Variants in OSBPL11 observed in about 807,000 individuals in gnomAD.
OSBPL11 encodes the protein oxysterol-binding protein-related protein 11.
Under a neutral mutation model 84.4 loss-of-function variants are expected in OSBPL11, and 33 were observed. That is an observed-to-expected ratio of 0.39 (90% CI 0.30 to 0.52). The LOEUF (loss-of-function observed/expected upper bound fraction) is 0.52. OSBPL11 is among the 20% of genes least tolerant of loss of function. The probability of loss-of-function intolerance (pLI) is 0.72; values close to 1 mark genes in which losing one functional copy is unlikely to be tolerated. For synonymous variants in OSBPL11, 276 were observed against 310.2 expected, an observed-to-expected ratio of 0.89 and a Z score of 1.16; for missense variants, 736 against 901.1, an observed-to-expected ratio of 0.82 and a Z score of 2.35.
intron 8 of OSBPL11, among the ~76,000 whole-genome samples, chr3:125,555,081 C>T (rs982679229): frequency 1.3e-5 from 2 of 152,134 alleles, no homozygotes; most frequent in African/African-American, 2.4e-5. Context: ...TCTGTGTGGG[C>T]ACCATCTAAT....
chr3:125,531,970 A>T lies in OSBPL11; in HGVS notation c.2069T>A (p.Ile690Asn). Residue 690 changes from isoleucine (I) to asparagine (N), a missense_variant, in exon 12 of 13, where the codon ATT (isoleucine) becomes AAT (asparagine). By Grantham distance (149) the Ile-to-Asn change is moderately radical. Transcript: ENST00000296220. The part of the protein sequence containing the change: ...NVTDSLRESE[I>N]DKATEHKHTL... ...ATGCTTATGCTCTGTGGCCTTATCA[A>T]TTTCAGATTCTCTCAGCGAGTCTGT... is the stretch of plus-strand genomic sequence containing the variant. The T allele has an allele frequency of 6.2e-7, 1 of 1,612,064 alleles. No individual in the cohort carries two copies. Among genetic ancestry groups the T allele is most frequent in the South Asian group, 1.1e-5 (1 of 90,372 alleles).
At chr3:125,584,628 T>A (rs1170193830) in intron 1 of OSBPL11, among the ~76,000 whole-genome samples, 4 of 152,342 alleles carry the variant, frequency 2.6e-5, no homozygotes, top group Non-Finnish European at 5.9e-5. Flanking sequence ...ATAAAAAATA[T>A]CACAACTGAG....
In OSBPL11 at chr3:125,590,554, C is replaced by CA. The variant is rs141030963; in HGVS notation, c.164+4082dup. 6.7e-5 allele frequency among the ~76,000 whole-genome samples: 10 copies of CA among 149,748 alleles called. No homozygotes were observed. In the South Asian group the frequency reaches 1.1e-3, roughly 16 times the overall value. ...TGCACAAGAGGACCAGACTCTGTCTCAAAAAAAAAATTTTTTTTTTCAAAA... is the reference window on the plus strand; with the variant it reads ...TGCACAAGAGGACCAGACTCTGTCTCAAAAAAAAAAATTTTTTTTTTCAAAA... On this transcript the variant is annotated intron_variant, in intron 1 of 12. Coordinates refer to ENST00000296220, the MANE Select transcript of OSBPL11 (RefSeq NM_022776.5).
chr3:125,560,255 C>T, intron 8 of OSBPL11, 124 bp downstream of exon 8: 1 of 901,138 alleles, frequency 1.1e-6, no homozygotes, highest in Non-Finnish European at 1.5e-6. Flanking sequence ...GAGCAAAACT[C>T]CATCTCAAAA....
At chr3:125,562,979 T>A (rs1045705192) in intron 7 of OSBPL11, among the ~76,000 whole-genome samples, 2 of 147,848 alleles carry the variant, frequency 1.4e-5, no homozygotes. Flanking sequence ...TATTTATAAT[T>A]AAAAAAAAAA....
intron 8 of OSBPL11, among the ~76,000 whole-genome samples, chr3:125,554,686 T>G (rs1424684395): frequency 6.6e-6 from 1 of 152,014 alleles, no homozygotes; most frequent in Non-Finnish European, 1.5e-5. Flanking sequence ...AAGAAGATAT[T>G]ATATACATAC....
intron 5 of OSBPL11, among the ~76,000 whole-genome samples, chr3:125,571,441 C>T (rs1391750548): frequency 6.6e-6 from 1 of 152,178 alleles, no homozygotes; most frequent in Non-Finnish European, 1.5e-5. Context: ...ATGTTAACCC[C>T]CAAGACAATG....
rs1559834984 is a variant in OSBPL11 at position 125,539,339 on chromosome 3, ATAT to A, written c.1842-709_1842-707del. Among the ~76,000 whole-genome samples the A allele has an allele frequency of 3.2e-5, 4 of 124,664 alleles. No individual in the cohort carries two copies. The East Asian group carries it at 9.9e-4, about 31-fold the overall frequency. The allele number at this position is 124,664 out of a possible 152,430, so 81.8% of individuals were successfully genotyped here. A position where few individuals can be genotyped will look rare whatever the true frequency, so the allele number is the denominator to read the frequency against. ...TATATATATATATATATATATATAT[ATAT>A]ATAATAGCTATATATATGGCTGTTT... On this transcript the variant is annotated intron_variant, in intron 10 of 12. Coordinates refer to ENST00000296220, the MANE Select transcript of OSBPL11 (RefSeq NM_022776.5).
intron 8 of OSBPL11, among the ~76,000 whole-genome samples, chr3:125,558,366 A>G (rs1379693686): frequency 3.3e-5 from 5 of 152,320 alleles, no homozygotes; most frequent in Non-Finnish European, 7.4e-5. Flanking sequence ...TCTTTTCTGA[A>G]CCATTAATAT....
chr3:125,558,212 T>A (rs1936021945), intron 8 of OSBPL11, among the ~76,000 whole-genome samples: 1 of 152,240 alleles, frequency 6.6e-6, no homozygotes, highest in Non-Finnish European at 1.5e-5. Flanking sequence ...TTTTTTCAAA[T>A]GCTCTTATGC....
At chr3:125,536,808 C>T (rs556444673) in intron 11 of OSBPL11, among the ~76,000 whole-genome samples, 9 of 152,210 alleles carry the variant, frequency 5.9e-5, no homozygotes, top group African/African-American at 1.4e-4. Flanking sequence ...TATATTTCTT[C>T]GGTAGCCAGC....
At chr3:125,572,028 G>A (rs1936251164) in intron 5 of OSBPL11, among the ~76,000 whole-genome samples, 1 of 152,246 alleles carries the variant, frequency 6.6e-6, no homozygotes, top group South Asian at 2.1e-4. Context: ...CAGGAGGGAG[G>A]CTGTGCCCTG....
At chr3:125,568,240 G>A (rs1194368030) in intron 5 of OSBPL11, among the ~76,000 whole-genome samples, 1 of 151,736 alleles carries the variant, frequency 6.6e-6, no homozygotes, top group Non-Finnish European at 1.5e-5. Flanking sequence ...GACCATCCTG[G>A]CTAACACGGT....
At chr3:125,564,433 GGTCACATTTGGAGACCT>G (rs1936126667) in intron 6 of OSBPL11, among the ~76,000 whole-genome samples, 1 of 151,986 alleles carries the variant, frequency 6.6e-6, no homozygotes, top group Non-Finnish European at 1.5e-5. Flanking sequence ...TGAAGACAGT[GGTCACATTTGGAGACCT>G]GTCATCTTCT....
intron 10 of OSBPL11, among the ~76,000 whole-genome samples, chr3:125,539,125 C>T (rs1359104356): frequency 6.6e-6 from 1 of 151,120 alleles, no homozygotes; most frequent in Non-Finnish European, 1.5e-5. Flanking sequence ...AGAAACCACA[C>T]AAACCAATAA....
At chr3:125,581,917 T>G (rs1373916437) in intron 2 of OSBPL11, among the ~76,000 whole-genome samples, 1 of 151,540 alleles carries the variant, frequency 6.6e-6, no homozygotes, top group Admixed American at 6.6e-5. Context: ...GAGGTTACAG[T>G]GAGCTGAGAT....
chr3:125,584,227 G>A (rs1262441642), intron 1 of OSBPL11, among the ~76,000 whole-genome samples: 2 of 152,078 alleles, frequency 1.3e-5, no homozygotes, highest in African/African-American at 4.8e-5. Flanking sequence ...TTAGCCAGGT[G>A]TGGTGGCACG....
intron 4 of OSBPL11, among the ~76,000 whole-genome samples, chr3:125,577,813 A>G (rs1936349249): frequency 6.6e-6 from 1 of 151,942 alleles, no homozygotes. Flanking sequence ...TGGGTAACAG[A>G]GTGAGACTCC....
At chr3:125,585,571 A>T (rs1038392523) in intron 1 of OSBPL11, among the ~76,000 whole-genome samples, 1 of 152,102 alleles carries the variant, frequency 6.6e-6, no homozygotes. Flanking sequence ...GGATATTGAC[A>T]TGGTTTATTT....
Sources: allele counts gnomAD v4.1 joint callset (sites outside exome capture counted in the v4.1 genomes callset), GRCh38; gene constraint gnomAD v4.1.1; transcripts MANE v1.5; gene names NCBI Gene and HGNC (gene_info 2026-07-23, HGNC 2026-07-21).